Variants in WDR36 observed in about 807,000 individuals in gnomAD.
WDR36 encodes WD repeat-containing protein 36.
Under a neutral mutation model 112.7 loss-of-function variants are expected in WDR36, and 63 were observed. The ratio of observed to expected loss-of-function variants is 0.56; its 90% CI spans 0.46 to 0.69. The LOEUF (loss-of-function observed/expected upper bound fraction) is 0.69, where lower values mean the gene tolerates loss of function less well. Among genes scored for constraint, WDR36 ranks in the 30% least tolerant of loss-of-function variants. The probability of loss-of-function intolerance (pLI) is 0.00; values close to 1 mark genes in which losing one functional copy is unlikely to be tolerated. For missense variants in WDR36, 1,226 were observed against 1,070.3 expected (o/e 1.15, Z -2.03); for synonymous variants, 410 against 362.2 (o/e 1.13, Z -1.50).
At chr5:111,110,463 C>A (rs1157604464) in intron 13 of WDR36, among the ~76,000 whole-genome samples, 160 bp downstream of exon 13, 2 of 151,356 alleles carry the variant, frequency 1.3e-5, no homozygotes, top group East Asian at 1.9e-4. Flanking sequence ...ATCATAAGGA[C>A]CATGTTGAAA....
rs527887824 is a variant in WDR36, at chr5:111,129,030, G to C, written c.*2147G>C. On this transcript the variant is annotated 3_prime_UTR_variant, in exon 23 of 23. Coordinates refer to ENST00000513710, the MANE Select transcript of WDR36 (RefSeq NM_139281.3). ...ATGTATAGTTACGATTTTTACATAC[G>C]TGTATGTATATTATTGTACAACTTG... 3.1e-5 allele frequency: 6 copies of C among 194,676 alleles called. No individual in the cohort carries two copies. Among genetic ancestry groups the C allele is most frequent in the Non-Finnish European group, 5.3e-5 (5 of 93,562 alleles). The allele number at this position is 194,676 out of a possible 1,614,324, so 12.1% of individuals were successfully genotyped here.
At chr5:111,113,535 C>T (rs1042584047) in intron 16 of WDR36, among the ~76,000 whole-genome samples, 1 of 152,076 alleles carries the variant, frequency 6.6e-6, no homozygotes, top group Non-Finnish European at 1.5e-5. Context: ...GTCAAACCCC[C>T]TAACTTTTCC....
chr5:111,096,533 G>T (rs1027316805), intron 2 of WDR36, among the ~76,000 whole-genome samples: 36 of 151,992 alleles, frequency 2.4e-4, no homozygotes, highest in African/African-American at 8.2e-4. Context: ...GCAAAACCCT[G>T]TCTCTTCTAA....
intron 15 of WDR36, among the ~76,000 whole-genome samples, chr5:111,112,267 G>A (rs1343270170): frequency 4.6e-5 from 7 of 151,744 alleles, no homozygotes; most frequent in South Asian, 4.2e-4. Context: ...AAGTTATTCC[G>A]GTTAGTCAAA....
chr5:111,104,056 A>G (rs948870578), intron 7 of WDR36, 121 bp from the exon 8 acceptor site: 2 of 1,384,576 alleles, frequency 1.4e-6, no homozygotes, highest in African/African-American at 2.9e-5. Context: ...AGAAATATGA[A>G]TAGATTATTG....
chr5:111,104,469 A>G, intron 8 of WDR36, 117 bp downstream of exon 8: 3 of 1,463,644 alleles, frequency 2.0e-6, no homozygotes, highest in Non-Finnish European at 9.6e-7. Context: ...ATGGAATGAG[A>G]TATTGGTATA....
At chr5:111,098,888 A>C (rs565021595) in intron 4 of WDR36, 49 bp downstream of exon 4, 5 of 1,302,452 alleles carry the variant, frequency 3.8e-6, no homozygotes, top group Non-Finnish European at 5.6e-6. Flanking sequence ...GTATGTGTTT[A>C]ATTAAAATTT....
intron 3 of WDR36, among the ~76,000 whole-genome samples, chr5:111,097,441 G>A (rs1333185264): frequency 2.0e-5 from 3 of 152,104 alleles, no homozygotes; most frequent in Non-Finnish European, 4.4e-5. Context: ...TATGCCGTTA[G>A]TTCCCATCTC....
chr5:111,096,909 A>G (rs931833655), intron 2 of WDR36, 170 bp from the exon 3 acceptor site: 17 of 545,838 alleles, frequency 3.1e-5, no homozygotes, highest in Non-Finnish European at 4.5e-5. Context: ...GATAGTTACT[A>G]TTAGATATCT....
intron 17 of WDR36, 42 bp downstream of exon 17, chr5:111,119,162 T>A: frequency 6.7e-7 from 1 of 1,497,216 alleles, no homozygotes; most frequent in Non-Finnish European, 9.3e-7. Context: ...TGAAGAAGAT[T>A]GTATTGTCAG....
intron 6 of WDR36, 29 bp downstream of exon 6, chr5:111,102,428 G>A (rs775642322): frequency 6.2e-7 from 1 of 1,600,142 alleles, no homozygotes; most frequent in Admixed American, 1.7e-5. Flanking sequence ...AGTCAAAGAG[G>A]AACAAAGTTA....
Position 111,098,632 on chromosome 5 carries a change from T to C in WDR36, c.292-90T>C. The stretch of plus-strand genomic sequence containing the variant: ...GGGTACATTTCTTAACAGAAGCATC[T>C]CAGGATTAGCATGTTTTTGGGATAA... On this transcript the variant is annotated intron_variant, in intron 3 of 22. Transcript: ENST00000513710. The C allele has an allele frequency of 3.4e-6, 3 of 895,046 alleles. No individual in the cohort carries two copies. In the East Asian group the frequency reaches 7.3e-5, roughly 22 times the overall value. 55.4% of individuals were successfully genotyped at this position (895,046 alleles called of 1,614,324 possible).
chr5:111,092,698 CCCTT>C lies in WDR36; in HGVS notation c.162+83_162+86del, dbSNP rs1342464950. 12 of 1,468,422 alleles carry C rather than the reference CCCTT, an allele frequency of 8.2e-6. 1 individual carries two copies. The highest frequency in any genetic ancestry group is 5.8e-5 in the Admixed American group (3 of 51,854). The allele number at this position is 1,468,422 out of a possible 1,614,324, so 91.0% of individuals were successfully genotyped here. A position where few individuals can be genotyped will look rare whatever the true frequency, so the allele number is the denominator to read the frequency against. ...CTCTGTCCTGGAGCAGTCCGGTTCT[CCCTT>C]CCCATTTACCACGGGCTTCCCTTCT... On this transcript the variant is annotated intron_variant, in intron 1 of 22. Coordinates refer to ENST00000513710, the MANE Select transcript of WDR36 (RefSeq NM_139281.3).
Position 111,128,036 on chromosome 5 carries a change from A to G in WDR36, c.*1153A>G, listed in dbSNP as rs1487212571. 1.0e-5 allele frequency: 2 copies of G among 196,522 alleles called. No homozygotes were observed. Among genetic ancestry groups the G allele is most frequent in the Non-Finnish European group, 2.1e-5 (2 of 96,118 alleles). The allele number at this position is 196,522 out of a possible 1,614,324, so 12.2% of individuals were successfully genotyped here. ...CCATTGCAAACCCAGGTAGCCCTGG[A>G]GTTTTCTTTTTTTCTCATCATCATT... On this transcript the variant is annotated 3_prime_UTR_variant, in exon 23 of 23. Coordinates refer to ENST00000513710, the MANE Select transcript of WDR36 (RefSeq NM_139281.3).
intron 13 of WDR36, 22 bp downstream of exon 13, chr5:111,110,325 T>G: frequency 6.4e-7 from 1 of 1,567,292 alleles, no homozygotes; most frequent in Non-Finnish European, 8.8e-7. Context: ...TTTTCCTTGT[T>G]TTTTATTAAT....
chr5:111,094,942 C>A lies in WDR36; in HGVS notation c.185C>A (p.Ala62Glu). ...CAGGTTCAGAAACTTAGTCTGGTTG[C>A]AGTAAGTAAGTATGGACTTTATTCT... ...TYDVQKLSLV[A>E]VSNSVPQDIC... Residue 62 changes from alanine (A) to glutamate (E), a missense_variant, in exon 2 of 23, where the codon GCA becomes GAA. Ala to Glu is a moderately radical substitution (Grantham distance 107). Coordinates refer to ENST00000513710, the MANE Select transcript of WDR36 (RefSeq NM_139281.3). The A allele has an allele frequency of 6.2e-7, 1 of 1,606,398 alleles. No homozygotes were observed. Among genetic ancestry groups the A allele is most frequent in the Admixed American group, 1.7e-5 (1 of 59,382 alleles).
chr5:111,100,077 A>T (rs1433760453), intron 4 of WDR36, among the ~76,000 whole-genome samples: 1 of 150,892 alleles, frequency 6.6e-6, no homozygotes, highest in Non-Finnish European at 1.5e-5. Context: ...TTTCTCCTTT[A>T]TTAGAGATTA....
intron 16 of WDR36, among the ~76,000 whole-genome samples, chr5:111,116,898 G>A (rs572056864): frequency 6.6e-6 from 1 of 152,264 alleles, no homozygotes; most frequent in African/African-American, 2.4e-5. Flanking sequence ...AACATGTTAG[G>A]AAGTTTTACC....
intron 15 of WDR36, among the ~76,000 whole-genome samples, chr5:111,112,756 TATAA>T (rs1753367981): frequency 6.6e-6 from 1 of 151,834 alleles, no homozygotes; most frequent in African/African-American, 2.4e-5. Flanking sequence ...AAACATTGTC[TATAA>T]ATAAATAGAA....
Sources: gnomAD v4.1 joint callset for allele counts (sites outside exome capture counted in the v4.1 genomes callset) on GRCh38, gnomAD v4.1.1 for gene constraint, MANE v1.5 for transcripts, NCBI Gene and HGNC (gene_info 2026-07-23, HGNC 2026-07-21) for gene names.